The following PKD2L1 variants were observed in gnomAD, a reference collection of about 807,000 sequenced individuals.
PKD2L1 encodes polycystin 2 like 1, transient receptor potential cation channel, also known as polycystin-2-like protein 1.
PKD2L1 carries 77 observed loss-of-function variants against 93.0 expected under a neutral mutation model. The observed-to-expected ratio is 0.83, with a 90% CI of 0.69 to 1.00. The LOEUF (loss-of-function observed/expected upper bound fraction) is 1.00. Among genes scored for constraint, PKD2L1 ranks in the 50% least tolerant of loss-of-function variants. The probability of loss-of-function intolerance (pLI) is 0.00; values close to 1 mark genes in which losing one functional copy is unlikely to be tolerated. For synonymous variants in PKD2L1, 390 were observed against 388.0 expected, an observed-to-expected ratio of 1.01 and a Z score of -0.06; for missense variants, 977 against 990.9, an observed-to-expected ratio of 0.99 and a Z score of 0.19.
In PKD2L1 at chr10:100,299,469, T is replaced by G. The variant is rs557064493; in HGVS notation, c.477+122A>C. On this transcript the variant is annotated intron_variant, in intron 3 of 15. Transcript: ENST00000318222. ...CTAACCCATTAATTCAGCCTGGCCC[T>G]TTGACTCAGTCTGATCCCTGACTGA... The G allele has an allele frequency of 6.7e-6, 6 of 894,294 alleles. No individual in the cohort carries two copies. In the South Asian group the frequency reaches 9.3e-5, roughly 14 times the overall value. 55.4% of individuals were successfully genotyped at this position (894,294 alleles called of 1,614,324 possible). A position where few individuals can be genotyped will look rare whatever the true frequency, so the allele number is the denominator to read the frequency against.
intron 2 of PKD2L1, among the ~76,000 whole-genome samples, chr10:100,310,722 T>C (rs1000379343): frequency 1.3e-5 from 2 of 152,162 alleles, no homozygotes; most frequent in Non-Finnish European, 2.9e-5. Flanking sequence ...TTATTTTTTA[T>C]TTTTTTGGAG....
chr10:100,294,877 A>T (rs1589661744), intron 8 of PKD2L1, 65 bp downstream of exon 8: 2 of 1,453,550 alleles, frequency 1.4e-6, no homozygotes, highest in Non-Finnish European at 1.9e-6. Context: ...TTCCCCAAGG[A>T]TACATACACC....
intron 2 of PKD2L1, among the ~76,000 whole-genome samples, chr10:100,318,521 CTTT>C (rs535608372): frequency 2.1e-5 from 3 of 139,684 alleles, no homozygotes; most frequent in Admixed American, 7.2e-5. Flanking sequence ...TTTTTCTTTT[CTTT>C]TTTTTTTTTT....
rs146636374 is a variant in PKD2L1 at position 100,298,692 on chromosome 10, G to A, written c.601C>T (p.Arg201Trp). The A allele has an allele frequency of 1.2e-4, 196 of 1,613,962 alleles. No homozygotes were observed. The highest frequency in any genetic ancestry group is 1.6e-4 in the Non-Finnish European group (184 of 1,180,022). The change falls in exon 4 of 16, where the codon CGG becomes TGG. Residue 201 changes from arginine (R) to tryptophan (W), a missense_variant. Arg to Trp is a moderately radical substitution (Grantham distance 101, BLOSUM62 -3). Transcript: ENST00000318222. Reference sequence around the variant, plus strand: ...GAGTCATTGCGGACCTTTAGCTGCCGCAGCCTCGGAACCCCCAGCAGCATG... The same window carrying A: ...GAGTCATTGCGGACCTTTAGCTGCCACAGCCTCGGAACCCCCAGCAGCATG... ...ENMLLGVPRLRQLKVRNDSCV... is the reference protein window; with the variant it reads ...ENMLLGVPRLWQLKVRNDSCV...
Position 100,291,401 on chromosome 10 carries a change from G to T in PKD2L1, c.1907C>A (p.Thr636Asn), listed in dbSNP as rs779494217. 5.6e-6 allele frequency: 9 copies of T among 1,614,116 alleles called. No individual in the cohort carries two copies. The Middle Eastern group carries it at 8.2e-4, about 148-fold the overall frequency. The change falls in exon 12 of 16, where the codon ACT becomes AAT. Residue 636 changes from threonine to asparagine, a missense_variant. Physicochemically the swap from Thr to Asn is moderately conservative, Grantham distance 65 (BLOSUM62 0). Transcript: ENST00000318222. ...RELGHAEHEITELTATFTKFD... is the reference protein window; with the variant it reads ...RELGHAEHEINELTATFTKFD... Reference sequence around the variant, plus strand: ...CTTGGTGAAGGTGGCCGTGAGCTCAGTGATTTCATGCTCTGCGTGTCCCAG... The same window carrying T: ...CTTGGTGAAGGTGGCCGTGAGCTCATTGATTTCATGCTCTGCGTGTCCCAG...
chr10:100,313,263 C>T (rs989890780), intron 2 of PKD2L1, among the ~76,000 whole-genome samples: 3 of 151,936 alleles, frequency 2.0e-5, no homozygotes, highest in Non-Finnish European at 4.4e-5. Context: ...CTAGCTGAAC[C>T]AAAAAAATGT....
At chr10:100,300,702 T>C (rs1480583746) in intron 2 of PKD2L1, among the ~76,000 whole-genome samples, 2 of 152,242 alleles carry the variant, frequency 1.3e-5, no homozygotes, top group Non-Finnish European at 1.5e-5. Context: ...ACTAGTGAGA[T>C]TAACTTTGAT....
chr10:100,305,810 T>A (rs1036050990), intron 2 of PKD2L1, among the ~76,000 whole-genome samples: 1 of 152,158 alleles, frequency 6.6e-6, no homozygotes, highest in Non-Finnish European at 1.5e-5. Context: ...TTGGCTCATG[T>A]GTCTTTCTCC....
chr10:100,289,887 T>C, intron 14 of PKD2L1, 128 bp downstream of exon 14: 1 of 1,104,144 alleles, frequency 9.1e-7, no homozygotes, highest in Non-Finnish European at 1.3e-6. Context: ...CTAACCGCTA[T>C]GAACATGTTT....
chr10:100,300,667 C>T (rs527624772), intron 2 of PKD2L1, among the ~76,000 whole-genome samples: 1 of 152,290 alleles, frequency 6.6e-6, no homozygotes, highest in Middle Eastern at 3.4e-3. Context: ...ATATCAGGAA[C>T]TACACATTGC....
chr10:100,304,536 C>A (rs1848755651), intron 2 of PKD2L1, among the ~76,000 whole-genome samples: 1 of 151,874 alleles, frequency 6.6e-6, no homozygotes, highest in African/African-American at 2.4e-5. Flanking sequence ...CTGTGTTGCC[C>A]AGGCTGGAGT....
Position 100,297,531 on chromosome 10 carries a change from G to A in PKD2L1, c.807C>T (p.Gly269=), listed in dbSNP as rs1202712837. 2 of 1,614,136 alleles carry A rather than the reference G, an allele frequency of 1.2e-6. No individual in the cohort carries two copies. The highest frequency in any genetic ancestry group is 1.7e-5 in the Admixed American group (1 of 60,028). Residue 269 remains glycine, a synonymous_variant, in exon 5 of 16, where the codon GGC becomes GGT. Transcript: ENST00000318222. The part of the protein sequence containing the change: ...WGRLTSYSGG[G]YYLDLPGSRQ... ...GGGATCCTGGAAGGTCCAGGTAGTA[G>A]CCACCTCCGCTGTAGCTTGTGAGCC...
chr10:100,323,089 T>C (rs1208235868), intron 2 of PKD2L1, among the ~76,000 whole-genome samples: 2 of 152,148 alleles, frequency 1.3e-5, no homozygotes, highest in African/African-American at 4.8e-5. Flanking sequence ...ATGATGGTGG[T>C]GGTGGCGGTT....
At chr10:100,293,526 C>T (rs1848453972) in intron 9 of PKD2L1, 147 bp from the exon 10 acceptor site, 1 of 624,650 alleles carries the variant, frequency 1.6e-6, no homozygotes. Context: ...CCCTGCCTCT[C>T]AGGGTCCCCA....
intron 2 of PKD2L1, among the ~76,000 whole-genome samples, chr10:100,316,194 C>T (rs368081166): frequency 4.5e-4 from 68 of 152,224 alleles, no homozygotes; most frequent in African/African-American, 1.4e-3. Context: ...TTTTTTGAGA[C>T]GGAGTCTTGC....
At chr10:100,294,480 C>T (rs900123315) in intron 9 of PKD2L1, 55 bp downstream of exon 9, 8 of 1,606,106 alleles carry the variant, frequency 5.0e-6, no homozygotes, top group Non-Finnish European at 6.8e-6. Context: ...CATACTAGGA[C>T]CAAAACTCCA....
intron 2 of PKD2L1, among the ~76,000 whole-genome samples, chr10:100,315,018 A>C (rs1468781228): frequency 1.0e-4 from 1 of 10,024 alleles, no homozygotes; most frequent in Non-Finnish European, 1.6e-4. Flanking sequence ...AAGGAAGGGA[A>C]GGGAAGGGAA....
In PKD2L1 at chr10:100,297,366, G is replaced by T. The variant is rs1848567646; in HGVS notation, c.956+16C>A. 5 of 1,603,538 alleles carry T rather than the reference G, an allele frequency of 3.1e-6. No individual in the cohort carries two copies. The highest frequency in any genetic ancestry group is 4.3e-6 in the Non-Finnish European group (5 of 1,170,564). On this transcript the variant is annotated intron_variant, in intron 5 of 15. Transcript: ENST00000318222. ...GAGCCATGGACAGGGTGATAAAGTA[G>T]GGAAAGGGGGCTCACCTCAGGACAC...
intron 2 of PKD2L1, among the ~76,000 whole-genome samples, chr10:100,307,765 A>G (rs1293485796): frequency 6.6e-6 from 1 of 152,188 alleles, no homozygotes; most frequent in Non-Finnish European, 1.5e-5. Context: ...CTTCACAAAC[A>G]TCCTTTTCAC....
Sources: allele counts gnomAD v4.1 joint callset (sites outside exome capture counted in the v4.1 genomes callset), GRCh38; gene constraint gnomAD v4.1.1; transcripts MANE v1.5; gene names NCBI Gene and HGNC (gene_info 2026-07-23, HGNC 2026-07-21).